Variants in RBPJ observed in about 807,000 individuals in gnomAD.
RBPJ encodes recombining binding protein suppressor of hairless.
A neutral mutation model predicts 67.8 loss-of-function variants in RBPJ; 9 were observed. The observed-to-expected ratio is 0.13, with a 90% confidence interval of 0.08 to 0.23. The LOEUF (loss-of-function observed/expected upper bound fraction) is 0.23, where lower values mean the gene tolerates loss of function less well. RBPJ is among the 10% of genes least tolerant of loss of function. The probability of loss-of-function intolerance (pLI) is 1.00; values close to 1 mark genes in which losing one functional copy is unlikely to be tolerated. For missense variants in RBPJ, 305 were observed against 595.6 expected, an observed-to-expected ratio of 0.51 and a Z score of 5.08; for synonymous variants, 198 against 203.3, an observed-to-expected ratio of 0.97 and a Z score of 0.22.
intron 1 of RBPJ, among the ~76,000 whole-genome samples, chr4:26,246,435 CA>C (rs1376063929): frequency 3.3e-5 from 5 of 152,040 alleles, no homozygotes; most frequent in African/African-American, 1.2e-4. Context: ...GTCCTAAAAC[CA>C]AAAAGTTTGA....
chr4:26,317,933 T>G (rs1390960954), upstream of RBPJ, among the ~76,000 whole-genome samples: 2 of 152,092 alleles, frequency 1.3e-5, no homozygotes, highest in African/African-American at 4.8e-5. Flanking sequence ...CCAAATTAGA[T>G]CAGTGGTCTG....
intron 1 of RBPJ, among the ~76,000 whole-genome samples, chr4:26,345,475 G>T (rs112351772): frequency 6.6e-6 from 1 of 152,180 alleles, no homozygotes; most frequent in Non-Finnish European, 1.5e-5. Context: ...GTTTCTGTTG[G>T]ATGATTTCCT....
chr4:26,123,681 C>T, the RBPJ span, among the ~76,000 whole-genome samples: 5 of 152,130 alleles, frequency 3.3e-5, no homozygotes, highest in African/African-American at 1.2e-4. Context: ...ATTCTATAAG[C>T]TATTTTCTAT....
chr4:26,411,769 T>C (rs1044226951), intron 3 of RBPJ, among the ~76,000 whole-genome samples: 3 of 152,136 alleles, frequency 2.0e-5, no homozygotes, highest in Admixed American at 2.0e-4. Context: ...CTCATTCTTT[T>C]ATCAGTTTAG....
At chr4:26,305,642 C>T (rs1295253810) in intron 1 of RBPJ, among the ~76,000 whole-genome samples, 1 of 151,892 alleles carries the variant, frequency 6.6e-6, no homozygotes, top group Non-Finnish European at 1.5e-5. Context: ...GTTTAATTTT[C>T]AGATGGTTCC....
chr4:26,124,722 G>A, the RBPJ span, among the ~76,000 whole-genome samples: 38 of 151,918 alleles, frequency 2.5e-4, no homozygotes, highest in East Asian at 3.9e-4. Flanking sequence ...GAAGTGTTCC[G>A]TTTACCGCAT....
chr4:26,431,699 T>G lies in RBPJ; in HGVS notation c.*692T>G, dbSNP rs1428727092. 1.3e-5 allele frequency: 2 copies of G among 152,084 alleles called. No homozygotes were observed. The highest frequency in any genetic ancestry group is 1.9e-4 in the East Asian group (1 of 5,204). The allele number at this position is 152,084 out of a possible 1,614,324, so 9.4% of individuals were successfully genotyped here. The stretch of plus-strand genomic sequence containing the variant: ...TCAAATCTTGCAAAGGCCTGCATAT[T>G]TTTTTTAAGATTATATGAAGTCTGT... On this transcript the variant is annotated 3_prime_UTR_variant, in exon 11 of 11. Transcript: ENST00000355476.
At chr4:26,268,809 A>G (rs1443513937) in intron 1 of RBPJ, among the ~76,000 whole-genome samples, 3 of 152,204 alleles carry the variant, frequency 2.0e-5, no homozygotes, top group Non-Finnish European at 2.9e-5. Context: ...AGTCCACTTC[A>G]TCATTCACTG....
At chr4:26,114,727 A>G in the RBPJ span, among the ~76,000 whole-genome samples, 1 of 152,070 alleles carries the variant, frequency 6.6e-6, no homozygotes, top group African/African-American at 2.4e-5. Flanking sequence ...GTACTTATGT[A>G]TGTGTATATA....
At chr4:26,407,963 TTAC>T (rs1388552895) in intron 3 of RBPJ, among the ~76,000 whole-genome samples, 10 of 139,082 alleles carry the variant, frequency 7.2e-5, no homozygotes, top group African/African-American at 2.7e-4. Context: ...TGATTTCCAC[TTAC>T]TGGGCTCAGG....
chr4:26,396,368 G>T (rs543699671), intron 2 of RBPJ, among the ~76,000 whole-genome samples: 1 of 152,330 alleles, frequency 6.6e-6, no homozygotes, highest in African/African-American at 2.4e-5. Flanking sequence ...AGAGAATGGA[G>T]TAGAGTAGGA....
At chr4:26,183,305 C>T (rs1450970220) in intron 1 of RBPJ, among the ~76,000 whole-genome samples, 1 of 152,220 alleles carries the variant, frequency 6.6e-6, no homozygotes, top group African/African-American at 2.4e-5. Flanking sequence ...TGGGACCACC[C>T]TCATATATGT....
At chr4:26,137,051 A>T in the RBPJ span, among the ~76,000 whole-genome samples, 1 of 152,234 alleles carries the variant, frequency 6.6e-6, no homozygotes, top group Non-Finnish European at 1.5e-5. Context: ...ACAAAAGTGG[A>T]AGAAGTGCCC....
chr4:26,322,408 C>G (rs1577434042), intron 1 of RBPJ: 1 of 152,170 alleles, frequency 6.6e-6, no homozygotes, highest in African/African-American at 2.4e-5. Context: ...ACTTCTGCCT[C>G]ATAAGGAAAA....
intron 1 of RBPJ, among the ~76,000 whole-genome samples, chr4:26,385,913 C>G (rs951111205): frequency 2.0e-5 from 3 of 151,916 alleles, no homozygotes; most frequent in African/African-American, 7.3e-5. Context: ...GTCTCTTGTC[C>G]CACTTCAGCC....
chr4:26,146,952 C>T, the RBPJ span, among the ~76,000 whole-genome samples: 4 of 152,248 alleles, frequency 2.6e-5, no homozygotes, highest in East Asian at 3.9e-4. Flanking sequence ...GAGTGTGGCA[C>T]GAGCTTGGCA....
At chr4:26,319,710 A>G (rs1410891830), upstream of RBPJ, 2 of 715,366 alleles carry the variant, frequency 2.8e-6, no homozygotes, top group Non-Finnish European at 2.6e-6. Flanking sequence ...GACTGCCCGC[A>G]TTGGGTACAT....
At chr4:26,212,438 T>TTTC (rs1560212936) in intron 1 of RBPJ, among the ~76,000 whole-genome samples, 1 of 124,524 alleles carries the variant, frequency 8.0e-6, no homozygotes, top group African/African-American at 2.8e-5. Flanking sequence ...TTTTCTTTTT[T>TTTC]TTTTTTTTTT....
intron 1 of RBPJ, among the ~76,000 whole-genome samples, chr4:26,228,874 T>C (rs1719176690): frequency 6.6e-6 from 1 of 152,232 alleles, no homozygotes. Flanking sequence ...CTGTTACCTT[T>C]ATGTTTTGAG....
Sources: gnomAD v4.1 joint callset for allele counts (sites outside exome capture counted in the v4.1 genomes callset) on GRCh38, gnomAD v4.1.1 for gene constraint, MANE v1.5 for transcripts, NCBI Gene and HGNC (gene_info 2026-07-23, HGNC 2026-07-21) for gene names.